Variants in CACUL1 observed in about 807,000 individuals in gnomAD.
CACUL1 encodes the protein CDK2 associated cullin domain 1.
Under a neutral mutation model 45.2 loss-of-function variants are expected in CACUL1, and 13 were observed. That is an observed-to-expected ratio of 0.29 (90% CI 0.19 to 0.46). The LOEUF is 0.46. Among genes scored for constraint, CACUL1 ranks in the 20% least tolerant of loss-of-function variants. The pLI, the probability that CACUL1 is intolerant of heterozygous loss-of-function variation, is 1.00. For synonymous variants in CACUL1, 197 were observed against 174.2 expected (o/e 1.13, Z -1.03); for missense variants, 421 against 471.4 (o/e 0.89, Z 0.99).
intron 1 of CACUL1, among the ~76,000 whole-genome samples, chr10:118,742,753 A>T (rs1479993146): frequency 6.6e-6 from 1 of 152,218 alleles, no homozygotes. Flanking sequence ...AACTCTAGTT[A>T]GAGTCTCTAG....
chr10:118,695,046 C>T (rs1845309321), intron 6 of CACUL1, 95 bp downstream of exon 6: 3 of 765,870 alleles, frequency 3.9e-6, no homozygotes, highest in East Asian at 2.6e-5. Flanking sequence ...AATCCAAGTA[C>T]CATTAAGCCT....
chr10:118,729,886 T>C (rs1845683174), intron 2 of CACUL1, among the ~76,000 whole-genome samples: 1 of 152,236 alleles, frequency 6.6e-6, no homozygotes, highest in Non-Finnish European at 1.5e-5. Context: ...CCCCACTTCC[T>C]AATTTGCTGC....
chr10:118,749,384 C>T (rs1845874989), intron 1 of CACUL1, among the ~76,000 whole-genome samples: 1 of 152,122 alleles, frequency 6.6e-6, no homozygotes, highest in African/African-American at 2.4e-5. Context: ...GGTGGCTAAC[C>T]ATGATATCCT....
chr10:118,743,369 G>A (rs1343879253), intron 1 of CACUL1, among the ~76,000 whole-genome samples: 2 of 151,456 alleles, frequency 1.3e-5, no homozygotes, highest in South Asian at 4.2e-4. Flanking sequence ...CACTAAAAAA[G>A]AACATAAAAA....
chr10:118,702,346 G>A (rs958553602), intron 4 of CACUL1, among the ~76,000 whole-genome samples: 7 of 152,120 alleles, frequency 4.6e-5, no homozygotes, highest in Non-Finnish European at 4.4e-5. Context: ...AAAGACGCCC[G>A]TGACAGGGAA....
rs572522097 is a variant in CACUL1 at position 118,678,885 on chromosome 10, C to T, written c.*7243G>A. The T allele has an allele frequency of 2.0e-5, 3 of 152,266 alleles. No homozygotes were observed. In the East Asian group the frequency reaches 5.8e-4, roughly 29 times the overall value. The allele number at this position is 152,266 out of a possible 1,614,324, so 9.4% of individuals were successfully genotyped here. ...AATTGATTAGCTGTACTATTTAAAT[C>T]TTCTATGTCCTTAATAATCTTCATA... On this transcript the variant is annotated 3_prime_UTR_variant, in exon 9 of 9. Coordinates refer to ENST00000369151, the MANE Select transcript of CACUL1 (RefSeq NM_153810.5).
chr10:118,733,875 A>G (rs1236535880), intron 1 of CACUL1, among the ~76,000 whole-genome samples: 1 of 151,966 alleles, frequency 6.6e-6, no homozygotes, highest in Admixed American at 6.6e-5. Context: ...AAATTAGCCG[A>G]GCGTGGTGAT....
chr10:118,676,688 T>G lies in CACUL1; in HGVS notation c.*9440A>C, dbSNP rs1845100507. The G allele has an allele frequency of 6.6e-6, 1 of 152,216 alleles. No individual in the cohort carries two copies. The highest frequency in any genetic ancestry group is 1.5e-5 in the Non-Finnish European group (1 of 68,028). The allele number at this position is 152,216 out of a possible 1,614,324, so 9.4% of individuals were successfully genotyped here. A position where few individuals can be genotyped will look rare whatever the true frequency, so the allele number is the denominator to read the frequency against. On this transcript the variant is annotated 3_prime_UTR_variant, in exon 9 of 9. Transcript: ENST00000369151. ...TCATGACTCTCTCTAAAAGAACATT[T>G]TTTTAGAAAGAGCAAAGGTTTATTA...
Position 118,685,957 on chromosome 10 carries a change from TTA to T in CACUL1, c.*169_*170del, listed in dbSNP as rs1325700860. ...TCTAGCAGCAACGTTTTTTTTTTTT[TTA>T]GTTTTTGTTTTAAAATTACAAACCA... is the stretch of plus-strand genomic sequence containing the variant. On this transcript the variant is annotated 3_prime_UTR_variant, in exon 9 of 9. Coordinates refer to ENST00000369151, the MANE Select transcript of CACUL1 (RefSeq NM_153810.5). 15 of 422,886 alleles carry T rather than the reference TTA, an allele frequency of 3.5e-5. No homozygotes were observed. The highest frequency in any genetic ancestry group is 2.0e-4 in the African/African-American group (10 of 49,542). 26.2% of individuals were successfully genotyped at this position (422,886 alleles called of 1,614,324 possible). A position where few individuals can be genotyped will look rare whatever the true frequency, so the allele number is the denominator to read the frequency against.
chr10:118,752,605 G>A (rs1845909173), intron 1 of CACUL1, among the ~76,000 whole-genome samples: 1 of 152,098 alleles, frequency 6.6e-6, no homozygotes, highest in Non-Finnish European at 1.5e-5. Context: ...CTTCTTACAT[G>A]TCCTTATCTG....
intron 3 of CACUL1, among the ~76,000 whole-genome samples, chr10:118,716,835 T>A (rs7083206): frequency 0.17 from 26,466 of 152,098 alleles, 2,982 homozygotes; most frequent in African/African-American, 0.29. Flanking sequence ...ATCTCCTGAC[T>A]TCATGATCCA....
chr10:118,734,047 A>AAAG (rs1845720569), intron 1 of CACUL1, among the ~76,000 whole-genome samples: 1 of 152,176 alleles, frequency 6.6e-6, no homozygotes, highest in East Asian at 1.9e-4. Flanking sequence ...AGTAGCCAAA[A>AAAG]TTCATGCTAT....
chr10:118,699,163 C>T lies in CACUL1; in HGVS notation c.796+2143G>A, dbSNP rs115827142. On this transcript the variant is annotated intron_variant, in intron 5 of 8. Transcript: ENST00000369151. ...CCTTTTGATGATCACCCACATAATA[C>T]AGTTAAACATTGTCCCTTGTTGTTC... 9.8e-4 allele frequency among the ~76,000 whole-genome samples: 149 copies of T among 152,334 alleles called. 2 individuals are homozygous for T. The highest frequency in any genetic ancestry group is 3.4e-3 in the African/African-American group (142 of 41,584).
chr10:118,745,502 A>G (rs1487990639), intron 1 of CACUL1, among the ~76,000 whole-genome samples: 4 of 152,136 alleles, frequency 2.6e-5, no homozygotes, highest in Non-Finnish European at 4.4e-5. Context: ...TAGAGGTTGC[A>G]GTGAGCCGAG....
At chr10:118,752,561 T>G (rs990288290) in intron 1 of CACUL1, among the ~76,000 whole-genome samples, 3 of 152,232 alleles carry the variant, frequency 2.0e-5, no homozygotes, top group African/African-American at 7.2e-5. Context: ...GTATTTTCAT[T>G]TCTATGCTAA....
rs532264433 is a variant in CACUL1 at position 118,686,712 on chromosome 10, GATA to G, written c.1026-74_1026-72del. ...ACAGGAGGAAAGGATCAACATATTT[GATA>G]ATAAAAGTATAGCAGACATTTCAGT... On this transcript the variant is annotated intron_variant, in intron 7 of 8. Transcript: ENST00000369151. 1,539 of 1,065,642 alleles carry G rather than the reference GATA, an allele frequency of 1.4e-3. 11 individuals are homozygous for G. Among genetic ancestry groups the G allele is most frequent in the Middle Eastern group, 5.4e-3 (27 of 5,010 alleles). 66.0% of individuals were successfully genotyped at this position (1,065,642 alleles called of 1,614,324 possible).
intron 1 of CACUL1, among the ~76,000 whole-genome samples, chr10:118,745,940 C>T (rs2119676729): frequency 6.7e-6 from 1 of 149,716 alleles, no homozygotes; most frequent in South Asian, 2.1e-4. Flanking sequence ...AGATCGAGAC[C>T]ATCCTGGCTA....
At position 118,676,560 on chromosome 10, in the gene CACUL1, T is replaced by C. The variant is rs1845099532; in HGVS notation, c.*9568A>G. ...AATGAAGTGACTTATTCAGCTACAA[T>C]AGTCATTAAAACCAAGCATGAAAAT... On this transcript the variant is annotated 3_prime_UTR_variant, in exon 9 of 9. Transcript: ENST00000369151. 6.6e-6 allele frequency: 1 copy of C among 152,180 alleles called. No individual in the cohort carries two copies. The highest frequency in any genetic ancestry group is 1.5e-5 in the Non-Finnish European group (1 of 68,018). The allele number at this position is 152,180 out of a possible 1,614,324, so 9.4% of individuals were successfully genotyped here.
intron 1 of CACUL1, among the ~76,000 whole-genome samples, chr10:118,749,193 G>A (rs1462900782): frequency 6.6e-6 from 1 of 151,136 alleles, no homozygotes; most frequent in Non-Finnish European, 1.5e-5. Flanking sequence ...GGGCAATACT[G>A]CCATTAAAAG....
Sources: gnomAD v4.1 joint callset for allele counts (sites outside exome capture counted in the v4.1 genomes callset) on GRCh38, gnomAD v4.1.1 for gene constraint, MANE v1.5 for transcripts, NCBI Gene and HGNC (gene_info 2026-07-23, HGNC 2026-07-21) for gene names.